The following GRIN2B variants were observed in gnomAD, a reference collection of about 807,000 sequenced individuals.
The protein encoded by GRIN2B is glutamate receptor ionotropic, NMDA 2B.
Under a neutral mutation model 114.5 loss-of-function variants are expected in GRIN2B, and 5 were observed. The ratio of observed to expected loss-of-function variants is 0.04; its 90% confidence interval spans 0.02 to 0.09. GRIN2B has a LOEUF of 0.09. GRIN2B is among the 10% of genes least tolerant of loss of function. GRIN2B has a pLI of 1.00. For synonymous variants in GRIN2B, 787 were observed against 745.1 expected (o/e 1.06, Z -0.92); for missense variants, 1,108 against 1,943.5 (o/e 0.57, Z 8.08).
intron 3 of GRIN2B, among the ~76,000 whole-genome samples, chr12:13,786,229 C>T (rs1864219030): frequency 6.6e-6 from 1 of 152,072 alleles, no homozygotes; most frequent in Non-Finnish European, 1.5e-5. Context: ...CAAAGGGTCC[C>T]AAGGCTAGAG....
At chr12:13,919,668 A>G (rs936196567) in intron 2 of GRIN2B, among the ~76,000 whole-genome samples, 1 of 152,208 alleles carries the variant, frequency 6.6e-6, no homozygotes. Context: ...GACAGTATCC[A>G]TTTATAAGAA....
At chr12:13,636,683 C>T (rs1012233117) in intron 5 of GRIN2B, among the ~76,000 whole-genome samples, 2 of 152,130 alleles carry the variant, frequency 1.3e-5, no homozygotes, top group Non-Finnish European at 2.9e-5. Context: ...ATGGTGGTGA[C>T]ATTTACTGAG....
chr12:13,780,791 T>G (rs1212620977), intron 3 of GRIN2B, among the ~76,000 whole-genome samples: 2 of 149,648 alleles, frequency 1.3e-5, no homozygotes, highest in Non-Finnish European at 3.0e-5. Flanking sequence ...AAAAATGGAT[T>G]CTTTTCAAGG....
At chr12:13,867,712 A>T (rs1271610113) in intron 2 of GRIN2B, among the ~76,000 whole-genome samples, 1 of 152,172 alleles carries the variant, frequency 6.6e-6, no homozygotes, top group Admixed American at 6.5e-5. Context: ...ACAGTTATGT[A>T]ATTATCCAAG....
intron 3 of GRIN2B, among the ~76,000 whole-genome samples, chr12:13,793,889 C>T (rs1287307143): frequency 2.6e-5 from 4 of 151,838 alleles, no homozygotes; most frequent in Non-Finnish European, 4.4e-5. Context: ...AAATCTGTGT[C>T]TTCAAGTCCT....
chr12:13,901,613 C>A (rs1377555728), intron 2 of GRIN2B, among the ~76,000 whole-genome samples: 1 of 151,934 alleles, frequency 6.6e-6, no homozygotes, highest in Non-Finnish European at 1.5e-5. Flanking sequence ...CCGTCTTAGA[C>A]AGTATAATAG....
intron 4 of GRIN2B, among the ~76,000 whole-genome samples, chr12:13,731,727 G>T (rs749990629): frequency 3.3e-5 from 5 of 152,128 alleles, no homozygotes; most frequent in Admixed American, 6.5e-5. Context: ...AAATTATCTT[G>T]CAATCCCAAT....
intron 3 of GRIN2B, among the ~76,000 whole-genome samples, chr12:13,818,903 G>T (rs1864879666): frequency 6.6e-6 from 1 of 152,156 alleles, no homozygotes; most frequent in Admixed American, 6.5e-5. Flanking sequence ...CCCATGAAGA[G>T]AGAGTAACAC....
At chr12:13,596,621 A>G (rs949970519) in intron 10 of GRIN2B, among the ~76,000 whole-genome samples, 1 of 152,216 alleles carries the variant, frequency 6.6e-6, no homozygotes, top group Non-Finnish European at 1.5e-5. Context: ...CACACTGGTT[A>G]CTGCCTAGCA....
intron 4 of GRIN2B, among the ~76,000 whole-genome samples, chr12:13,695,451 C>A (rs796207595): frequency 2.0e-5 from 3 of 152,070 alleles, no homozygotes; most frequent in Admixed American, 6.6e-5. Context: ...TCAGGCTTCA[C>A]CAGGGGAGTT....
intron 4 of GRIN2B, among the ~76,000 whole-genome samples, chr12:13,743,962 C>G (rs1048317454): frequency 1.3e-5 from 2 of 152,188 alleles, no homozygotes; most frequent in African/African-American, 4.8e-5. Context: ...CATATTGTCA[C>G]AGGGTGGTTT....
chr12:13,869,231 C>CTTTTT (rs1158566763), intron 2 of GRIN2B, among the ~76,000 whole-genome samples: 2 of 126,034 alleles, frequency 1.6e-5, no homozygotes, highest in African/African-American at 3.1e-5. Context: ...TTTTCTTTTT[C>CTTTTT]TTTTTTTTTC....
At chr12:13,603,728 GA>G in intron 10 of GRIN2B, among the ~76,000 whole-genome samples, 1 of 152,060 alleles carries the variant, frequency 6.6e-6, no homozygotes. Context: ...AATTAAATAG[GA>G]AAGTGGGGGC....
At chr12:13,903,765 T>C (rs1250742531) in intron 2 of GRIN2B, among the ~76,000 whole-genome samples, 1 of 152,084 alleles carries the variant, frequency 6.6e-6, no homozygotes, top group Admixed American at 6.5e-5. Context: ...ATCTCCTATA[T>C]CCATATCAGT....
At chr12:13,686,711 T>C (rs571045358) in intron 4 of GRIN2B, among the ~76,000 whole-genome samples, 1 of 152,294 alleles carries the variant, frequency 6.6e-6, no homozygotes, top group South Asian at 2.1e-4. Flanking sequence ...TTAACCCTTG[T>C]AATCTTTGCT....
intron 3 of GRIN2B, among the ~76,000 whole-genome samples, chr12:13,863,466 A>G (rs1865779587): frequency 6.6e-6 from 1 of 152,226 alleles, no homozygotes; most frequent in Non-Finnish European, 1.5e-5. Flanking sequence ...AACCAATGTT[A>G]AAATCCTGGC....
intron 3 of GRIN2B, among the ~76,000 whole-genome samples, chr12:13,845,840 C>A (rs1865464176): frequency 6.6e-6 from 1 of 152,098 alleles, no homozygotes; most frequent in East Asian, 1.9e-4. Context: ...CTCTTTGCAA[C>A]CTTTTATGTG....
At chr12:13,657,341 TGAA>T (rs888371125) in intron 5 of GRIN2B, among the ~76,000 whole-genome samples, 2 of 152,168 alleles carry the variant, frequency 1.3e-5, no homozygotes, top group African/African-American at 4.8e-5. Flanking sequence ...CTCCCCTTCA[TGAA>T]GAAGGGCCCA....
chr12:13,761,435 A>C, intron 3 of GRIN2B, among the ~76,000 whole-genome samples: 1 of 152,344 alleles, frequency 6.6e-6, no homozygotes, highest in East Asian at 1.9e-4. Context: ...TATAGCCAGA[A>C]GAAAACAACA....
Sources: gnomAD v4.1 joint callset for allele counts (sites outside exome capture counted in the v4.1 genomes callset) on GRCh38, gnomAD v4.1.1 for gene constraint, MANE v1.5 for transcripts, NCBI Gene and HGNC (gene_info 2026-07-23, HGNC 2026-07-21) for gene names.